Variants in CHCHD3 observed in about 807,000 individuals in gnomAD.
CHCHD3 encodes the protein coiled-coil-helix-coiled-coil-helix domain containing 3, also known as MICOS complex subunit MIC19.
In CHCHD3, 20 loss-of-function variants were observed where a neutral mutation model predicts 38.2. The observed-to-expected ratio is 0.52, with a 90% CI of 0.37 to 0.76. CHCHD3 has a LOEUF of 0.76. Ranked by LOEUF, CHCHD3 falls within the 30% of genes least tolerant of loss-of-function variation. The probability of loss-of-function intolerance (pLI) is 0.00; values close to 1 mark genes in which losing one functional copy is unlikely to be tolerated. For synonymous variants in CHCHD3, 82 were observed against 100.0 expected (o/e 0.82, Z 1.07); for missense variants, 245 against 279.2 (o/e 0.88, Z 0.87).
Position 133,057,561 on chromosome 7 carries a change from CAAAAAAAGAA to C in CHCHD3, c.169+12571_169+12580del, listed in dbSNP as rs938071391. On this transcript the variant is annotated intron_variant, in intron 2 of 7. Coordinates refer to ENST00000262570, the MANE Select transcript of CHCHD3 (RefSeq NM_017812.4). ...AGGGTGATACAGTAAGACCTCGTCTCAAAAAAAGAAAAAAAAAGAAAAAAGGTTTCAGCTC... is the reference window on the plus strand; with the variant it reads ...AGGGTGATACAGTAAGACCTCGTCTCAAAAAAAGAAAAAAGGTTTCAGCTC... 2.1e-4 allele frequency among the ~76,000 whole-genome samples: 32 copies of C among 149,474 alleles called. No homozygotes were observed. In the South Asian group the frequency reaches 5.1e-3, roughly 24 times the overall value.
At chr7:133,025,527 C>T (rs1813312398) in intron 2 of CHCHD3, among the ~76,000 whole-genome samples, 1 of 152,142 alleles carries the variant, frequency 6.6e-6, no homozygotes. Flanking sequence ...TTTGTTGAGA[C>T]AGAGTCTCGC....
intron 5 of CHCHD3, among the ~76,000 whole-genome samples, chr7:132,840,654 G>C (rs998179514): frequency 6.6e-6 from 1 of 152,124 alleles, no homozygotes; most frequent in Non-Finnish European, 1.5e-5. Context: ...TGTGAAATCT[G>C]TTAAATGTTT....
intron 5 of CHCHD3, among the ~76,000 whole-genome samples, chr7:132,859,260 C>T (rs1181295121): frequency 6.6e-6 from 1 of 152,062 alleles, no homozygotes; most frequent in Admixed American, 6.5e-5. Context: ...ATATATTTTA[C>T]TTAGTGTAAG....
chr7:133,030,337 C>G (rs1369292314), intron 2 of CHCHD3, among the ~76,000 whole-genome samples: 1 of 152,118 alleles, frequency 6.6e-6, no homozygotes, highest in Non-Finnish European at 1.5e-5. Context: ...TTTAAAATGG[C>G]CTTTCTGAAA....
At chr7:132,923,873 T>G (rs1450891189) in intron 4 of CHCHD3, among the ~76,000 whole-genome samples, 1 of 152,144 alleles carries the variant, frequency 6.6e-6, no homozygotes, top group African/African-American at 2.4e-5. Flanking sequence ...AGAGAAGGAA[T>G]GAGAAAGATT....
intron 4 of CHCHD3, among the ~76,000 whole-genome samples, chr7:132,959,292 T>C (rs1003874763): frequency 1.4e-4 from 21 of 152,332 alleles, no homozygotes; most frequent in Middle Eastern, 3.4e-3. Flanking sequence ...CAGCCATATA[T>C]CAAACTGTGA....
At chr7:132,877,196 A>G (rs1808934716) in intron 5 of CHCHD3, among the ~76,000 whole-genome samples, 1 of 152,184 alleles carries the variant, frequency 6.6e-6, no homozygotes, top group Non-Finnish European at 1.5e-5. Context: ...TCATATCCCT[A>G]AAGCCAGATT....
chr7:132,997,028 G>A (rs749726894), intron 3 of CHCHD3, among the ~76,000 whole-genome samples: 6 of 152,148 alleles, frequency 3.9e-5, no homozygotes, highest in Non-Finnish European at 7.3e-5. Flanking sequence ...TTCTAAGCCC[G>A]AGGAACTGAG....
At chr7:133,055,586 TTG>T (rs1204412317) in intron 2 of CHCHD3, among the ~76,000 whole-genome samples, 4 of 147,450 alleles carry the variant, frequency 2.7e-5, no homozygotes, top group South Asian at 4.2e-4. Context: ...TCTAATATAA[TTG>T]TGTTATATAT....
chr7:132,914,750 A>G (rs1435006323), intron 4 of CHCHD3, among the ~76,000 whole-genome samples: 1 of 152,236 alleles, frequency 6.6e-6, no homozygotes, highest in African/African-American at 2.4e-5. Context: ...CATGTGGCTC[A>G]GTGGGAGGAC....
intron 4 of CHCHD3, among the ~76,000 whole-genome samples, chr7:132,971,407 T>C (rs1811610152): frequency 6.6e-6 from 1 of 151,996 alleles, no homozygotes; most frequent in Non-Finnish European, 1.5e-5. Context: ...GAATCTAGAG[T>C]GGGATTAACA....
intron 4 of CHCHD3, among the ~76,000 whole-genome samples, chr7:132,909,353 G>T (rs896112846): frequency 6.6e-6 from 1 of 152,028 alleles, no homozygotes; most frequent in African/African-American, 2.4e-5. Context: ...AATTAGCCAG[G>T]TGTGGTGCGC....
intron 5 of CHCHD3, among the ~76,000 whole-genome samples, chr7:132,871,740 T>C (rs985012894): frequency 4.0e-5 from 6 of 151,794 alleles, no homozygotes; most frequent in Non-Finnish European, 5.9e-5. Context: ...ACAGGTAAAC[T>C]GTGTCTGCTT....
At chr7:132,852,035 C>T (rs114062112) in intron 5 of CHCHD3, among the ~76,000 whole-genome samples, 2,553 of 152,280 alleles carry the variant, frequency 0.017, 81 homozygotes, top group African/African-American at 0.058. Flanking sequence ...AAATGATCAG[C>T]CTTACCGTAG....
chr7:132,865,685 G>A (rs1215016528), intron 5 of CHCHD3, among the ~76,000 whole-genome samples: 3 of 121,124 alleles, frequency 2.5e-5, no homozygotes, highest in Non-Finnish European at 4.5e-5. Flanking sequence ...TTAAAGGAAG[G>A]GGAACCAGGG....
In CHCHD3 at chr7:133,081,906, G is replaced by T. The variant is rs762774515; in HGVS notation, c.32C>A (p.Thr11Asn). 4 of 1,559,318 alleles carry T rather than the reference G, an allele frequency of 2.6e-6. No individual in the cohort carries two copies. The highest frequency in any genetic ancestry group is 1.9e-5 in the Admixed American group (1 of 52,784). Reference protein sequence around the residue: MGGTTSTRRVTFEADENENIT... With the variant: MGGTTSTRRVNFEADENENIT... ...GTTCTCATTCTCGTCCGCCTCGAAG[G>T]TGACCCGGCGGGTGCTGGTGGTCCC... The change falls in exon 1 of 8, where the codon ACC (threonine) becomes AAC (asparagine). Residue 11 changes from threonine to asparagine, a missense_variant. By Grantham distance (65) the Thr-to-Asn change is moderately conservative. Coordinates refer to ENST00000262570, the MANE Select transcript of CHCHD3 (RefSeq NM_017812.4).
chr7:132,954,679 A>G (rs1811116370), intron 4 of CHCHD3, among the ~76,000 whole-genome samples: 1 of 152,144 alleles, frequency 6.6e-6, no homozygotes, highest in Non-Finnish European at 1.5e-5. Context: ...CTCAGATGGT[A>G]CAATTCCCAA....
rs1472445830 is a variant in CHCHD3, at chr7:133,070,962, G to A, written c.82-733C>T. Reference sequence around the variant, plus strand: ...TAAAAGATAGGAAGAGATGCAGTAGGATGAAAGTGCTCCTGGGTGAGAAAA... The same window carrying A: ...TAAAAGATAGGAAGAGATGCAGTAGAATGAAAGTGCTCCTGGGTGAGAAAA... On this transcript the variant is annotated intron_variant, in intron 1 of 7. Coordinates refer to ENST00000262570, the MANE Select transcript of CHCHD3 (RefSeq NM_017812.4). Among the ~76,000 whole-genome samples, 3 of 152,178 alleles carry A rather than the reference G, an allele frequency of 2.0e-5. No individual in the cohort carries two copies. The East Asian group carries it at 5.8e-4, about 29-fold the overall frequency.
intron 3 of CHCHD3, among the ~76,000 whole-genome samples, chr7:132,993,350 T>C (rs1167583059): frequency 1.3e-5 from 2 of 152,248 alleles, no homozygotes; most frequent in Non-Finnish European, 2.9e-5. Context: ...GAAGTTACTT[T>C]CTTCTACTCT....
Sources: allele counts gnomAD v4.1 joint callset (sites outside exome capture counted in the v4.1 genomes callset), GRCh38; gene constraint gnomAD v4.1.1; transcripts MANE v1.5; gene names NCBI Gene and HGNC (gene_info 2026-07-23, HGNC 2026-07-21).